The following PCDHGB1 variants were observed in gnomAD, a reference collection of about 807,000 sequenced individuals.
PCDHGB1 encodes the protein protocadherin gamma-B1.
Under a neutral mutation model 56.6 loss-of-function variants are expected in PCDHGB1, and 34 were observed. The observed-to-expected ratio is 0.60, with a 90% CI of 0.46 to 0.80. The LOEUF (loss-of-function observed/expected upper bound fraction) is 0.80. PCDHGB1 is among the 30% of genes least tolerant of loss of function. The pLI is 0.00. For synonymous variants in PCDHGB1, 561 were observed against 505.9 expected, an observed-to-expected ratio of 1.11 and a Z score of -1.46; for missense variants, 1,278 against 1,204.6, an observed-to-expected ratio of 1.06 and a Z score of -0.90.
intron 1 of PCDHGB1, among the ~76,000 whole-genome samples, chr5:141,474,643 CCTTA>C (rs1474125632): frequency 1.3e-5 from 2 of 152,134 alleles, no homozygotes; most frequent in Admixed American, 1.3e-4. Flanking sequence ...TCCTATATAT[CCTTA>C]CTTCTTTTCT....
At chr5:141,405,389 T>A in intron 1 of PCDHGB1, 12 of 1,600,534 alleles carry the variant, frequency 7.5e-6, no homozygotes, top group Non-Finnish European at 8.5e-6. Context: ...GAGTTCATTT[T>A]TTTTCTTTCT....
At chr5:141,480,927 C>T (rs1562083028) in intron 1 of PCDHGB1, among the ~76,000 whole-genome samples, 1 of 152,090 alleles carries the variant, frequency 6.6e-6, no homozygotes, top group Non-Finnish European at 1.5e-5. Context: ...TACCTGTAGT[C>T]CCAGCTACTC....
At position 141,511,516 on chromosome 5, in the gene PCDHGB1, T is replaced by A. The variant is rs2099883825; in HGVS notation, c.*343T>A. ...CTTCCAAATCAATCAGGCCCATCCA[T>A]CCCATGCCTCCCTCCTCCCCACCCC... is the stretch of plus-strand genomic sequence containing the variant. On this transcript the variant is annotated 3_prime_UTR_variant, in exon 4 of 4. Transcript: ENST00000523390. 1 of 365,020 alleles carries A rather than the reference T, an allele frequency of 2.7e-6. No individual in the cohort carries two copies. Among genetic ancestry groups the A allele is most frequent in the Admixed American group, 4.0e-5 (1 of 25,162 alleles). The allele number at this position is 365,020 out of a possible 1,614,324, so 22.6% of individuals were successfully genotyped here.
chr5:141,405,328 C>T (rs4912606), intron 1 of PCDHGB1: 66,412 of 1,613,986 alleles, frequency 0.041, 1,736 homozygotes, highest in Non-Finnish European at 0.046. Flanking sequence ...AGCCTTTGTG[C>T]GTCTCTGTTG....
At chr5:141,389,062 T>G (rs991150761) in intron 1 of PCDHGB1, 1 of 1,613,856 alleles carries the variant, frequency 6.2e-7, no homozygotes, top group African/African-American at 1.3e-5. Context: ...TTTAAAATAT[T>G]AACTTCTTCA....
rs754299511 is a variant in PCDHGB1 at position 141,476,353 on chromosome 5, G to A, written c.2410-18454G>A. 4 of 1,614,202 alleles carry A rather than the reference G, an allele frequency of 2.5e-6. No individual in the cohort carries two copies. Among genetic ancestry groups the A allele is most frequent in the South Asian group, 1.1e-5 (1 of 91,082 alleles). On this transcript the variant is annotated intron_variant, in intron 1 of 3. Coordinates refer to ENST00000523390, the MANE Select transcript of PCDHGB1 (RefSeq NM_018922.3). The surrounding 1 kb of genome is among the most constrained non-coding windows in gnomAD (Gnocchi z 7.6). The stretch of plus-strand genomic sequence containing the variant: ...GAGCTAGCCGAAGATTCTTTGAGGT[G>A]AACCGGGAGACCGGAGAGATGTTTG...
intron 1 of PCDHGB1, chr5:141,375,569 C>A (rs775153131): frequency 1.2e-6 from 2 of 1,613,970 alleles, no homozygotes; most frequent in East Asian, 2.2e-5. Context: ...AGAAGACACC[C>A]TCCAGGGGGC....
Position 141,489,510 on chromosome 5 carries a change from T to A in PCDHGB1, c.2410-5297T>A, listed in dbSNP as rs762210983. 1 of 1,614,124 alleles carries A rather than the reference T, an allele frequency of 6.2e-7. No individual in the cohort carries two copies. The highest frequency in any genetic ancestry group is 1.7e-5 in the Admixed American group (1 of 60,022). On this transcript the variant is annotated intron_variant, in intron 1 of 3. Transcript: ENST00000523390. This position sits in a 1 kb window ranked among gnomAD's most constrained non-coding sequence, Gnocchi z 4.5. Reference sequence around the variant, plus strand: ...GTGCCCTGGCAGTGAATCAAAAGATTGACCGAGAAAGCCTATGTGGAGCCA... The same window carrying A: ...GTGCCCTGGCAGTGAATCAAAAGATAGACCGAGAAAGCCTATGTGGAGCCA...
In PCDHGB1 at chr5:141,486,702, T is replaced by C; in HGVS notation, c.2410-8105T>C. On this transcript the variant is annotated intron_variant, in intron 1 of 3. Coordinates refer to ENST00000523390, the MANE Select transcript of PCDHGB1 (RefSeq NM_018922.3). The surrounding 1 kb of genome is among the most constrained non-coding windows in gnomAD (Gnocchi z 5.0). ...GTATCAGCTTCCTCTTTCATCTCTC[T>C]GAACCCCCAGACAGGAGCTGTTCAT... is the stretch of plus-strand genomic sequence containing the variant. 3 of 1,614,218 alleles carry C rather than the reference T, an allele frequency of 1.9e-6. No homozygotes were observed. Among genetic ancestry groups the C allele is most frequent in the Non-Finnish European group, 2.5e-6 (3 of 1,180,040 alleles).
intron 1 of PCDHGB1, chr5:141,366,073 C>T (rs766163319): frequency 3.7e-6 from 6 of 1,614,234 alleles, no homozygotes; most frequent in Non-Finnish European, 5.1e-6. Flanking sequence ...CGCCTCGCTC[C>T]GCAGAACCTG....
intron 1 of PCDHGB1, chr5:141,390,890 G>C (rs1043821773): frequency 5.2e-5 from 8 of 152,592 alleles, no homozygotes; most frequent in African/African-American, 1.9e-4. Flanking sequence ...GTGTGTGTGA[G>C]AGAGATCCTT....
In PCDHGB1 at chr5:141,351,160, T is replaced by C. The variant is rs374210350; in HGVS notation, c.900T>C (p.Asn300=). ...CAAATACTGGCGACATCACAACCAA[T>C]GGCACATTGGATTTTGAAGAGACAA... ...LNPNTGDITT[N]GTLDFEETSR... Residue 300 remains asparagine, a synonymous_variant, in exon 1 of 4, where the codon AAT becomes AAC. Coordinates refer to ENST00000523390, the MANE Select transcript of PCDHGB1 (RefSeq NM_018922.3). The C allele has an allele frequency of 5.6e-6, 9 of 1,613,888 alleles. No individual in the cohort carries two copies. The highest frequency in any genetic ancestry group is 2.7e-5 in the African/African-American group (2 of 74,910).
chr5:141,352,307 G>A lies in PCDHGB1; in HGVS notation c.2047G>A (p.Glu683Lys). Residue 683 changes from glutamate to lysine, a missense_variant, in exon 1 of 4, where the codon GAA (glutamate) becomes AAA (lysine). Transcript: ENST00000523390. ...DRPEPSDPQT[E>K]LQFYLVVALA... is the part of the protein sequence containing the mutation. ...CCCTGAGCCCTCTGACCCCCAGACGGAACTGCAGTTTTACCTGGTTGTGGC... is the reference window on the plus strand; with the variant it reads ...CCCTGAGCCCTCTGACCCCCAGACGAAACTGCAGTTTTACCTGGTTGTGGC... 2.5e-6 allele frequency: 4 copies of A among 1,614,058 alleles called. No individual in the cohort carries two copies. The highest frequency in any genetic ancestry group is 3.4e-6 in the Non-Finnish European group (4 of 1,179,898).
In PCDHGB1 at chr5:141,490,996, G is replaced by A; in HGVS notation, c.2410-3811G>A. ...GCGTCTCCCTCGCTCTGCTCCTCCT[G>A]GCTCCTTGGTCACCAAGGTGACAGC... is the stretch of plus-strand genomic sequence containing the variant. On this transcript the variant is annotated intron_variant, in intron 1 of 3. Transcript: ENST00000523390. This position sits in a 1 kb window ranked among gnomAD's most constrained non-coding sequence, Gnocchi z 5.4. The A allele has an allele frequency of 6.2e-7, 1 of 1,614,090 alleles. No individual in the cohort carries two copies. The highest frequency in any genetic ancestry group is 8.5e-7 in the Non-Finnish European group (1 of 1,180,028).
chr5:141,436,337 A>G (rs1450981655), intron 1 of PCDHGB1, among the ~76,000 whole-genome samples: 1 of 152,178 alleles, frequency 6.6e-6, no homozygotes, highest in Non-Finnish European at 1.5e-5. Flanking sequence ...CATATCTCAA[A>G]TATCAGTGAC....
chr5:141,507,522 C>G (rs560304194), intron 3 of PCDHGB1, among the ~76,000 whole-genome samples: 365 of 152,096 alleles, frequency 2.4e-3, no homozygotes, highest in African/African-American at 8.1e-3. Context: ...GCTATGATTC[C>G]AGAGAGGCCA....
intron 2 of PCDHGB1, among the ~76,000 whole-genome samples, chr5:141,500,001 A>G (rs961582279): frequency 6.6e-5 from 10 of 151,914 alleles, no homozygotes; most frequent in African/African-American, 2.4e-4. Context: ...TGATTCTTTC[A>G]TAAGGTCCAC....
rs767245444 is a variant in PCDHGB1, at chr5:141,393,478, G to A, written c.2409+40809G>A. 1 of 1,614,052 alleles carries A rather than the reference G, an allele frequency of 6.2e-7. No homozygotes were observed. On this transcript the variant is annotated intron_variant, in intron 1 of 3. Transcript: ENST00000523390. ...GCCTCGGATGGCGGCAAGCCGCCTC[G>A]CTCTAGCACAGTGCGCATCCACGTG... is the stretch of plus-strand genomic sequence containing the variant.
At chr5:141,361,830 C>G (rs760465689) in intron 1 of PCDHGB1, 4 of 1,612,982 alleles carry the variant, frequency 2.5e-6, no homozygotes, top group East Asian at 2.2e-5. Context: ...TGCTGTACCC[C>G]GCGCTGGGGC....
Sources: allele counts gnomAD v4.1 joint callset (sites outside exome capture counted in the v4.1 genomes callset), GRCh38; gene constraint gnomAD v4.1.1; non-coding constraint Gnocchi (gnomAD v3.1); transcripts MANE v1.5; gene names NCBI Gene and HGNC (gene_info 2026-07-23, HGNC 2026-07-21).